NRF1: variants seen among roughly 807,000 people sequenced by gnomAD.
NRF1 encodes alpha palindromic-binding protein.
In NRF1, 5 loss-of-function variants were observed where a neutral mutation model predicts 58.5. The observed-to-expected ratio is 0.09, with a 90% CI of 0.04 to 0.18. NRF1 has a LOEUF of 0.18. Ranked by LOEUF, NRF1 falls within the 10% of genes least tolerant of loss-of-function variation. NRF1 has a pLI of 1.00. For synonymous variants in NRF1, 224 were observed against 246.7 expected (o/e 0.91, Z 0.86); for missense variants, 288 against 657.7 (o/e 0.44, Z 6.15).
At chr7:129,720,521 C>CTT (rs1803298328) in intron 9 of NRF1, among the ~76,000 whole-genome samples, 1 of 152,198 alleles carries the variant, frequency 6.6e-6, no homozygotes, top group South Asian at 2.1e-4. Flanking sequence ...CCTCTTGCAG[C>CTT]TTGCTCTGTT....
At chr7:129,743,997 T>G (rs1270132297) in intron 10 of NRF1, among the ~76,000 whole-genome samples, 1 of 152,200 alleles carries the variant, frequency 6.6e-6, no homozygotes, top group South Asian at 2.1e-4. Context: ...AAGTGCACAT[T>G]AGCACTTGGT....
chr7:129,629,340 G>A (rs2151060763), intron 1 of NRF1, among the ~76,000 whole-genome samples: 1 of 150,484 alleles, frequency 6.6e-6, no homozygotes, highest in South Asian at 2.1e-4. Context: ...GTACAGTGGC[G>A]CAGTCTCAGC....
At chr7:129,643,167 T>C (rs1801332931) in intron 1 of NRF1, among the ~76,000 whole-genome samples, 1 of 152,140 alleles carries the variant, frequency 6.6e-6, no homozygotes, top group Admixed American at 6.5e-5. Context: ...CTTTCATAAT[T>C]TTATCCAGAA....
intron 2 of NRF1, among the ~76,000 whole-genome samples, chr7:129,669,808 C>T (rs533085041): frequency 1.3e-5 from 2 of 152,210 alleles, no homozygotes; most frequent in Non-Finnish European, 2.9e-5. Flanking sequence ...AAAAATAGAA[C>T]TACCATATAT....
intron 1 of NRF1, among the ~76,000 whole-genome samples, chr7:129,612,145 C>A (rs1395567108): frequency 1.3e-5 from 2 of 150,624 alleles, no homozygotes; most frequent in Non-Finnish European, 3.0e-5. Flanking sequence ...GCCTTCTCCC[C>A]GCCGTGGAAC....
At chr7:129,629,438 G>T (rs1027008506) in intron 1 of NRF1, among the ~76,000 whole-genome samples, 14 of 152,114 alleles carry the variant, frequency 9.2e-5, no homozygotes, top group Non-Finnish European at 1.3e-4. Flanking sequence ...CACACGCCTG[G>T]CTGAATTTTG....
At chr7:129,647,719 T>A (rs1801441854) in intron 1 of NRF1, among the ~76,000 whole-genome samples, 1 of 152,230 alleles carries the variant, frequency 6.6e-6, no homozygotes, top group African/African-American at 2.4e-5. Flanking sequence ...TTAAGCATTA[T>A]ATAAAAGCAT....
rs537556737 is a variant in NRF1 at position 129,686,320 on chromosome 7, A to G, written c.466-4086A>G. On this transcript the variant is annotated intron_variant, in intron 4 of 10. Transcript: ENST00000393232. ...CAACTTTATCTGGAGGCTCTGGCAA[A>G]GGAGTATTGGAAAAATAAATAATTG... 2.0e-3 allele frequency among the ~76,000 whole-genome samples: 312 copies of G among 152,278 alleles called. 3 individuals are homozygous for G. The highest frequency in any genetic ancestry group is 6.8e-3 in the African/African-American group (282 of 41,546).
chr7:129,710,274 TG>T, intron 6 of NRF1, 99 bp from the exon 7 acceptor site: 1 of 1,041,362 alleles, frequency 9.6e-7, no homozygotes, highest in Non-Finnish European at 1.5e-6. Context: ...AGGTTTGGTT[TG>T]GTTTGATTTG....
chr7:129,630,787 G>T (rs1478780157), intron 1 of NRF1, among the ~76,000 whole-genome samples: 1 of 152,102 alleles, frequency 6.6e-6, no homozygotes. Context: ...GTGTAAAATT[G>T]GGTGAGGGCA....
chr7:129,732,224 G>C (rs1803597738), intron 10 of NRF1, among the ~76,000 whole-genome samples: 1 of 152,182 alleles, frequency 6.6e-6, no homozygotes, highest in Non-Finnish European at 1.5e-5. Flanking sequence ...CAAACGTAAT[G>C]AAAGAGAAGG....
chr7:129,735,141 A>C, intron 10 of NRF1: 1 of 985,442 alleles, frequency 1.0e-6, no homozygotes, highest in Non-Finnish European at 1.2e-6. Context: ...TCAGCACTGA[A>C]GACTCAGAAA....
chr7:129,664,610 T>C (rs368268075), intron 2 of NRF1, among the ~76,000 whole-genome samples: 2 of 152,230 alleles, frequency 1.3e-5, no homozygotes, highest in South Asian at 2.1e-4. Context: ...CTTGACATAA[T>C]GAATCCAGGT....
At chr7:129,639,808 A>G (rs1317168751) in intron 1 of NRF1, among the ~76,000 whole-genome samples, 1 of 152,134 alleles carries the variant, frequency 6.6e-6, no homozygotes, top group Non-Finnish European at 1.5e-5. Flanking sequence ...TCAGCCTCCC[A>G]AAGTGCTGGG....
At chr7:129,696,474 T>G (rs1243210703) in intron 5 of NRF1, among the ~76,000 whole-genome samples, 1 of 152,184 alleles carries the variant, frequency 6.6e-6, no homozygotes, top group African/African-American at 2.4e-5. Context: ...TGTAAAAAAT[T>G]CTTATTTTAT....
chr7:129,711,540 T>C lies in NRF1; in HGVS notation c.1029T>C (p.Val343=). The stretch of plus-strand genomic sequence containing the variant: ...CAGAATTGCCAACCACGGTCACCGT[T>C]GCCCAAGTGAATTATTCTGCCGTGG... ...DASELPTTVT[V]AQVNYSAVAD... The change falls in exon 8 of 11, where the codon GTT becomes GTC. Residue 343 remains valine, a synonymous_variant. Coordinates refer to ENST00000393232, the MANE Select transcript of NRF1 (RefSeq NM_005011.5). 6.2e-6 allele frequency: 10 copies of C among 1,612,622 alleles called. No individual in the cohort carries two copies. The highest frequency in any genetic ancestry group is 8.5e-6 in the Non-Finnish European group (10 of 1,179,314).
intron 5 of NRF1, among the ~76,000 whole-genome samples, chr7:129,700,858 G>C (rs770025095): frequency 2.6e-5 from 4 of 152,162 alleles, no homozygotes; most frequent in Admixed American, 6.5e-5. Context: ...CAAGGCTGCA[G>C]TGAGCCATGA....
chr7:129,743,241 C>G (rs2116302269), intron 10 of NRF1, among the ~76,000 whole-genome samples: 1 of 151,942 alleles, frequency 6.6e-6, no homozygotes, highest in East Asian at 1.9e-4. Context: ...TGTCCACTTT[C>G]AGCTGACCTT....
chr7:129,735,546 T>G (rs988699226), intron 10 of NRF1, among the ~76,000 whole-genome samples: 4 of 151,780 alleles, frequency 2.6e-5, no homozygotes, highest in Non-Finnish European at 5.9e-5. Context: ...AAAATAAAAA[T>G]AAAATAGAAT....
Sources: allele counts gnomAD v4.1 joint callset (sites outside exome capture counted in the v4.1 genomes callset), GRCh38; gene constraint gnomAD v4.1.1; transcripts MANE v1.5; gene names NCBI Gene and HGNC (gene_info 2026-07-23, HGNC 2026-07-21).